Variants in C2CD3 observed in about 807,000 individuals in gnomAD.
C2CD3 encodes C2 domain-containing protein 3.
A neutral mutation model predicts 234.0 loss-of-function variants in C2CD3; 148 were observed. The observed-to-expected ratio is 0.63, with a 90% CI of 0.55 to 0.72. The LOEUF is 0.72. Among genes scored for constraint, C2CD3 ranks in the 30% least tolerant of loss-of-function variants. The probability of loss-of-function intolerance (pLI) is 0.00; values close to 1 mark genes in which losing one functional copy is unlikely to be tolerated. For missense variants in C2CD3, 2,577 were observed against 2,811.5 expected (o/e 0.92, Z 1.89); for synonymous variants, 1,000 against 1,035.4 (o/e 0.97, Z 0.66).
intron 7 of C2CD3, among the ~76,000 whole-genome samples, chr11:74,124,143 C>T (rs1016790682): frequency 6.6e-6 from 1 of 152,094 alleles, no homozygotes; most frequent in African/African-American, 2.4e-5. Flanking sequence ...CAGTAATTAA[C>T]ATTTAATAAG....
At position 74,033,447 on chromosome 11, in the gene C2CD3, C is replaced by T. The variant is rs1952601344; in HGVS notation, c.6713G>A (p.Arg2238Lys). Residue 2238 changes from arginine (R) to lysine (K), a missense_variant, in exon 31 of 33, where the codon AGG (arginine) becomes AAG (lysine). Transcript: ENST00000334126. ...GATGGGTGGTCCCTTATGGTTTTCCCTTCTGCTCTGGGAGGCTAGATTTAG... is the reference window on the plus strand; with the variant it reads ...GATGGGTGGTCCCTTATGGTTTTCCTTTCTGCTCTGGGAGGCTAGATTTAG... ...LPLNLASQSR[R>K]ENHKGPPIDS... The T allele has an allele frequency of 1.3e-6, 2 of 1,536,054 alleles. No individual in the cohort carries two copies. The highest frequency in any genetic ancestry group is 3.9e-5 in the Admixed American group (2 of 50,972).
intron 14 of C2CD3, among the ~76,000 whole-genome samples, chr11:74,102,673 C>A (rs1956358368): frequency 6.6e-6 from 1 of 152,146 alleles, no homozygotes; most frequent in African/African-American, 2.4e-5. Context: ...GAAATTAAGA[C>A]AGTAAAGTTA....
chr11:74,028,219 T>C, intron 32 of C2CD3, 68 bp downstream of exon 32: 1 of 1,171,866 alleles, frequency 8.5e-7, no homozygotes, highest in Non-Finnish European at 1.2e-6. Flanking sequence ...CAGCTCTGCA[T>C]TCTGTGCACA....
chr11:74,154,446 A>G (rs911250056), intron 3 of C2CD3, among the ~76,000 whole-genome samples: 1 of 152,224 alleles, frequency 6.6e-6, no homozygotes, highest in Non-Finnish European at 1.5e-5. Context: ...GAGAAGCCAA[A>G]GGCTGGGAAT....
Position 74,106,426 on chromosome 11 carries a change from C to A in C2CD3, c.2030G>T (p.Ser677Ile), listed in dbSNP as rs1447732664. Reference sequence around the variant, plus strand: ...TTCTTGTTGCACTGGAAGCTGATCACTGAAAGAAAGCAGCTCTGATTGAAT... The same window carrying A: ...TTCTTGTTGCACTGGAAGCTGATCAATGAAAGAAAGCAGCTCTGATTGAAT... ...AVIQSELLSF[S>I]DQLPVQQENG... Residue 677 changes from serine to isoleucine, a missense_variant, in exon 13 of 33, where the codon AGT becomes ATT. Ser to Ile is a moderately radical substitution (Grantham distance 142, BLOSUM62 -2). Coordinates refer to ENST00000334126, the MANE Select transcript of C2CD3 (RefSeq NM_001286577.2). The A allele has an allele frequency of 6.2e-7, 1 of 1,613,980 alleles. No homozygotes were observed. The highest frequency in any genetic ancestry group is 1.3e-5 in the African/African-American group (1 of 74,924).
intron 30 of C2CD3, 121 bp downstream of exon 30, chr11:74,037,357 A>T (rs1007550581): frequency 4.7e-5 from 34 of 718,206 alleles, no homozygotes; most frequent in Non-Finnish European, 6.0e-5. Context: ...AAAAAGGAAG[A>T]GGGTGAAAAC....
chr11:74,126,871 C>T (rs1386980103), intron 7 of C2CD3, among the ~76,000 whole-genome samples: 5 of 152,326 alleles, frequency 3.3e-5, no homozygotes, highest in Admixed American at 3.3e-4. Context: ...AAAGAAACTC[C>T]ATAACCTTCA....
rs140806863 is a variant in C2CD3, at chr11:74,078,593, T to C, written c.4125A>G (p.Arg1375=). 17 of 1,614,162 alleles carry C rather than the reference T, an allele frequency of 1.1e-5. No individual in the cohort carries two copies. The highest frequency in any genetic ancestry group is 1.4e-5 in the Non-Finnish European group (17 of 1,180,026). Residue 1375 remains arginine (R), a synonymous_variant, in exon 23 of 33, where the codon AGA becomes AGG. Coordinates refer to ENST00000334126, the MANE Select transcript of C2CD3 (RefSeq NM_001286577.2). ...LSISFTHRGD[R]ERVLEAAEHL... ...GCTCAGCAGCTTCCAACACCCGTTC[T>C]CTATCTCCACGATGCGTGAAGGAAA...
At chr11:74,029,381 C>G (rs996711306) in intron 31 of C2CD3, among the ~76,000 whole-genome samples, 1 of 152,220 alleles carries the variant, frequency 6.6e-6, no homozygotes, top group African/African-American at 2.4e-5. Flanking sequence ...TAACCATATT[C>G]CTGTCACCTA....
At position 74,033,459 on chromosome 11, in the gene C2CD3, G is replaced by A; in HGVS notation, c.6701C>T (p.Ser2234Phe). ...SFKKLPLNLA[S>F]QSRRENHKGP... Reference sequence around the variant, plus strand: ...CTTATGGTTTTCCCTTCTGCTCTGGGAGGCTAGATTTAGCGGCAACTTCTT... The same window carrying A: ...CTTATGGTTTTCCCTTCTGCTCTGGAAGGCTAGATTTAGCGGCAACTTCTT... Residue 2234 changes from serine to phenylalanine, a missense_variant, in exon 31 of 33, where the codon TCC becomes TTC. Ser to Phe is a radical substitution (Grantham distance 155). Transcript: ENST00000334126. The A allele has an allele frequency of 6.5e-7, 1 of 1,536,188 alleles. No homozygotes were observed. The highest frequency in any genetic ancestry group is 1.2e-5 in the South Asian group (1 of 84,064).
Position 74,118,231 on chromosome 11 carries a change from T to C in C2CD3, c.1517A>G (p.Asn506Ser). ...KLKKRSAGKR[N>S]RNLVEQQMLS... ...ATAAACAGTCAGAGCAGCTCACCTA[T>C]TTCTCTTGCCTGCTGACCTCTTCTT... The change falls in exon 9 of 33, where the codon AAT (asparagine) becomes AGT (serine). Residue 506 changes from asparagine to serine, a missense_variant. Transcript: ENST00000334126. 1 of 1,612,468 alleles carries C rather than the reference T, an allele frequency of 6.2e-7. No individual in the cohort carries two copies. Among genetic ancestry groups the C allele is most frequent in the Non-Finnish European group, 8.5e-7 (1 of 1,179,204 alleles).
At chr11:74,024,899 C>T (rs748879727) in intron 32 of C2CD3, among the ~76,000 whole-genome samples, 4 of 152,068 alleles carry the variant, frequency 2.6e-5, no homozygotes, top group Non-Finnish European at 5.9e-5. Flanking sequence ...AGTGCTAAAA[C>T]TGCATCAGTT....
At chr11:74,040,894 TCACACACACACACGCACA>T (rs1238309776) in intron 29 of C2CD3, among the ~76,000 whole-genome samples, 27 of 148,814 alleles carry the variant, frequency 1.8e-4, no homozygotes, top group Admixed American at 5.3e-4. Flanking sequence ...CCTTTATCTA[TCACACACACACACGCACA>T]CACACACACA....
chr11:74,061,852 T>C (rs552346443), intron 24 of C2CD3, among the ~76,000 whole-genome samples: 5 of 152,202 alleles, frequency 3.3e-5, no homozygotes, highest in Admixed American at 3.3e-4. Flanking sequence ...GTCAAGACCC[T>C]TCAGTGTGCT....
chr11:74,069,021 C>T (rs1293910561), intron 24 of C2CD3, among the ~76,000 whole-genome samples: 1 of 152,224 alleles, frequency 6.6e-6, no homozygotes, highest in Non-Finnish European at 1.5e-5. Flanking sequence ...TGGTTTTGAA[C>T]TCCTGACCTC....
At position 74,096,203 on chromosome 11, in the gene C2CD3, G is replaced by A. The variant is rs989756688; in HGVS notation, c.2980-795C>T. 2.0e-5 allele frequency among the ~76,000 whole-genome samples: 3 copies of A among 152,202 alleles called. No homozygotes were observed. In the East Asian group the frequency reaches 5.8e-4, roughly 29 times the overall value. On this transcript the variant is annotated intron_variant, in intron 16 of 32. Coordinates refer to ENST00000334126, the MANE Select transcript of C2CD3 (RefSeq NM_001286577.2). ...ACCAGGTTTAGACTCAACGTAGTCT[G>A]ACTCCAGAGTCAGTGTTCTTTATCC...
Position 74,103,410 on chromosome 11 carries a change from G to A in C2CD3, c.2301C>T (p.Asn767=), listed in dbSNP as rs778312475. 1.2e-6 allele frequency: 2 copies of A among 1,614,186 alleles called. No homozygotes were observed. Among genetic ancestry groups the A allele is most frequent in the East Asian group, 2.2e-5 (1 of 44,878 alleles). The part of the protein sequence containing the change: ...AKKAQNLVLP[N]RKSPSPVAPH... ...GTGCTACAGGGCTTGGTGACTTTCG[G>A]TTGGGGAGCACCAAGTTCTGTGCTT... Residue 767 remains asparagine (N), a synonymous_variant, in exon 14 of 33, where the codon AAC becomes AAT. Coordinates refer to ENST00000334126, the MANE Select transcript of C2CD3 (RefSeq NM_001286577.2).
Position 74,028,389 on chromosome 11 carries a change from G to A in C2CD3, c.6819C>T (p.Pro2273=), listed in dbSNP as rs371294681. ...GCAAAAAGAAGTTGGGCACCACAATGGGCCCTGGGCTACAATGGTAGTTAA... is the reference window on the plus strand; with the variant it reads ...GCAAAAAGAAGTTGGGCACCACAATAGGCCCTGGGCTACAATGGTAGTTAA... The part of the protein sequence containing the change: ...STKQSLLLPG[P]IVVPNFFLPP... The change falls in exon 32 of 33, where the codon CCC becomes CCT. Residue 2273 remains proline (P), a synonymous_variant. Transcript: ENST00000334126. The A allele has an allele frequency of 1.3e-4, 205 of 1,535,124 alleles. 2 individuals are homozygous for A. The South Asian group carries it at 2.1e-3, about 16-fold the overall frequency.
At chr11:74,077,194 T>A (rs1392548805) in intron 23 of C2CD3, among the ~76,000 whole-genome samples, 1 of 152,064 alleles carries the variant, frequency 6.6e-6, no homozygotes, top group Non-Finnish European at 1.5e-5. Flanking sequence ...TGCTTTTCCA[T>A]ATAATTAATA....
Sources: allele counts gnomAD v4.1 joint callset (sites outside exome capture counted in the v4.1 genomes callset), GRCh38; gene constraint gnomAD v4.1.1; transcripts MANE v1.5; gene names NCBI Gene and HGNC (gene_info 2026-07-23, HGNC 2026-07-21).